Variants in PSMD1 observed in about 807,000 individuals in gnomAD.
PSMD1 encodes the protein 26S proteasome non-ATPase regulatory subunit 1.
A neutral mutation model predicts 119.0 loss-of-function variants in PSMD1; 18 were observed. The observed-to-expected ratio is 0.15, with a 90% CI of 0.10 to 0.22. The LOEUF (loss-of-function observed/expected upper bound fraction) is 0.22. PSMD1 is among the 10% of genes least tolerant of loss of function. The pLI is 1.00. For synonymous variants in PSMD1, 374 were observed against 396.6 expected, an observed-to-expected ratio of 0.94 and a Z score of 0.68; for missense variants, 702 against 1,158.5, an observed-to-expected ratio of 0.61 and a Z score of 5.72.
chr2:231,132,499 A>C (rs973106623), intron 16 of PSMD1, among the ~76,000 whole-genome samples: 6 of 152,188 alleles, frequency 3.9e-5, no homozygotes, highest in Non-Finnish European at 5.9e-5. Flanking sequence ...AAACCTTTGG[A>C]CATCAAATGT....
intron 16 of PSMD1, chr2:231,113,986 C>T (rs1467386759): frequency 7.1e-7 from 1 of 1,416,822 alleles, no homozygotes. Flanking sequence ...AACTTTCAGT[C>T]TACAGTTTTT....
Position 231,141,279 on chromosome 2 carries a change from G to A in PSMD1, c.1998+2429G>A, listed in dbSNP as rs1399431195. ...TGGTCCACTGCACTCCAGCCTGGGC[G>A]ACAAGAGTGGGACTCTGTCTCAAAA... On this transcript the variant is annotated intron_variant, in intron 17 of 24. Transcript: ENST00000308696. 3.3e-5 allele frequency among the ~76,000 whole-genome samples: 5 copies of A among 150,094 alleles called. No individual in the cohort carries two copies. The South Asian group carries it at 6.3e-4, about 19-fold the overall frequency.
At chr2:231,086,995 G>T in intron 15 of PSMD1, 122 bp from the exon 16 acceptor site, 1 of 664,682 alleles carries the variant, frequency 1.5e-6, no homozygotes. Flanking sequence ...GCAACATAAT[G>T]TTTTGATATA....
chr2:231,108,547 G>A, intron 16 of PSMD1: 1 of 1,613,740 alleles, frequency 6.2e-7, no homozygotes, highest in Non-Finnish European at 8.5e-7. Flanking sequence ...CTTCAGTTTT[G>A]TCACCTTCAT....
chr2:231,159,812 G>A (rs1240309192), intron 19 of PSMD1, among the ~76,000 whole-genome samples: 1 of 151,972 alleles, frequency 6.6e-6, no homozygotes, highest in Non-Finnish European at 1.5e-5. Context: ...TTTTTTCTAC[G>A]ACGGGGGTGG....
chr2:231,096,291 CA>C (rs1282546237), intron 16 of PSMD1, among the ~76,000 whole-genome samples: 1 of 152,188 alleles, frequency 6.6e-6, no homozygotes, highest in East Asian at 1.9e-4. Context: ...GGAGGGGACT[CA>C]GGCAAAACCT....
intron 5 of PSMD1, 35 bp downstream of exon 5, chr2:231,067,146 G>C: frequency 6.8e-7 from 1 of 1,470,488 alleles, no homozygotes; most frequent in Non-Finnish European, 9.2e-7. Context: ...AATTATTGTT[G>C]ATAGGGAATC....
At chr2:231,114,821 T>A (rs1396687156) in intron 16 of PSMD1, among the ~76,000 whole-genome samples, 3 of 152,182 alleles carry the variant, frequency 2.0e-5, no homozygotes, top group Non-Finnish European at 4.4e-5. Flanking sequence ...ATTTAATATA[T>A]TATGCATTAT....
At chr2:231,161,220 AGT>A in intron 19 of PSMD1, 118 bp from the exon 20 acceptor site, 1 of 984,512 alleles carries the variant, frequency 1.0e-6, no homozygotes, top group Non-Finnish European at 1.5e-6. Flanking sequence ...CTTGGGTAAC[AGT>A]GAGACCCTAT....
chr2:231,108,112 A>G, intron 16 of PSMD1: 1 of 227,928 alleles, frequency 4.4e-6, no homozygotes. Context: ...TTTGTTCTGT[A>G]TCATGCCTTA....
intron 4 of PSMD1, among the ~76,000 whole-genome samples, chr2:231,066,059 T>G (rs1693903781): frequency 6.6e-6 from 1 of 152,214 alleles, no homozygotes; most frequent in Non-Finnish European, 1.5e-5. Context: ...CACTAGGCCA[T>G]ACCATAGAGC....
intron 20 of PSMD1, 188 bp from the exon 21 acceptor site, chr2:231,163,447 G>A (rs992580635): frequency 3.5e-5 from 18 of 520,438 alleles, no homozygotes; most frequent in African/African-American, 3.2e-4. Flanking sequence ...AAAGTATAGA[G>A]AACTGCAGGT....
intron 16 of PSMD1, among the ~76,000 whole-genome samples, chr2:231,093,888 T>G (rs942335658): frequency 1.3e-5 from 2 of 152,178 alleles, no homozygotes; most frequent in Admixed American, 6.5e-5. Flanking sequence ...GTTGAAATTG[T>G]GAGCTGGCAT....
intron 16 of PSMD1, among the ~76,000 whole-genome samples, 187 bp downstream of exon 16, chr2:231,087,368 A>G (rs897306476): frequency 1.3e-5 from 2 of 152,222 alleles, no homozygotes; most frequent in Non-Finnish European, 2.9e-5. Context: ...AGAACAAAGC[A>G]TATCATGGGA....
chr2:231,072,422 G>A lies in PSMD1; in HGVS notation c.881+7G>A. On this transcript the variant is annotated splice_region_variant and intron_variant, in intron 7 of 24. Coordinates refer to ENST00000308696, the MANE Select transcript of PSMD1 (RefSeq NM_002807.4). ...CGGGATCAGAGAAAGACAGGTATAA[G>A]TACCTTTTTCTGCATCAAAACTAAT... 1 of 1,587,244 alleles carries A rather than the reference G, an allele frequency of 6.3e-7. No homozygotes were observed. Among genetic ancestry groups the A allele is most frequent in the Non-Finnish European group, 8.6e-7 (1 of 1,156,612 alleles).
At chr2:231,116,324 G>A (rs528193863) in intron 16 of PSMD1, among the ~76,000 whole-genome samples, 1 of 152,080 alleles carries the variant, frequency 6.6e-6, no homozygotes, top group Non-Finnish European at 1.5e-5. Context: ...GAAAATACTC[G>A]TCTAGAGCTA....
chr2:231,126,527 A>G (rs1695724910), intron 16 of PSMD1, among the ~76,000 whole-genome samples: 1 of 152,220 alleles, frequency 6.6e-6, no homozygotes, highest in Non-Finnish European at 1.5e-5. Context: ...TTATGAAGGC[A>G]GGTAGGGATC....
intron 19 of PSMD1, among the ~76,000 whole-genome samples, chr2:231,154,996 GT>G (rs1054031103): frequency 2.7e-4 from 41 of 152,318 alleles, no homozygotes; most frequent in South Asian, 6.2e-4. Context: ...AAAAGATAGA[GT>G]GGTGGGCTTT....
intron 17 of PSMD1, among the ~76,000 whole-genome samples, chr2:231,145,150 A>G (rs1467719042): frequency 1.3e-5 from 2 of 152,212 alleles, no homozygotes; most frequent in African/African-American, 4.8e-5. Flanking sequence ...GACAGTAGAT[A>G]TAGTTGTGCA....
Sources: gnomAD v4.1 joint callset for allele counts (sites outside exome capture counted in the v4.1 genomes callset) on GRCh38, gnomAD v4.1.1 for gene constraint, MANE v1.5 for transcripts, NCBI Gene and HGNC (gene_info 2026-07-23, HGNC 2026-07-21) for gene names.